GRID2: variants seen among roughly 807,000 people sequenced by gnomAD.
GRID2 encodes the protein glutamate receptor ionotropic, delta-2.
Under a neutral mutation model 114.8 loss-of-function variants are expected in GRID2, and 33 were observed. The ratio of observed to expected loss-of-function variants is 0.29; its 90% confidence interval spans 0.22 to 0.38. The LOEUF is 0.38. Among genes scored for constraint, GRID2 ranks in the 10% least tolerant of loss-of-function variants. GRID2 has a pLI of 1.00. For synonymous variants in GRID2, 505 were observed against 449.9 expected (o/e 1.12, Z -1.55); for missense variants, 1,184 against 1,257.7 (o/e 0.94, Z 0.89).
At position 92,319,780 on chromosome 4, in the gene GRID2, G is replaced by A. The variant is rs562414221; in HGVS notation, c.88+15036G>A. On this transcript the variant is annotated intron_variant, in intron 1 of 15. Coordinates refer to ENST00000282020, the MANE Select transcript of GRID2 (RefSeq NM_001510.4). ...TGTCTGGCAGAATACATACAGTTAT[G>A]AAATTTTACATTGTTTGTCACATGT... 3.9e-5 allele frequency among the ~76,000 whole-genome samples: 6 copies of A among 152,210 alleles called. No individual in the cohort carries two copies. In the South Asian group the frequency reaches 1.0e-3, roughly 26 times the overall value.
At chr4:93,184,748 G>A (rs976549996) in intron 4 of GRID2, among the ~76,000 whole-genome samples, 2 of 152,080 alleles carry the variant, frequency 1.3e-5, no homozygotes, top group African/African-American at 4.8e-5. Flanking sequence ...TGGGCGTGGT[G>A]GCGTGTGCCT....
intron 14 of GRID2, among the ~76,000 whole-genome samples, chr4:93,703,646 T>A (rs1372574916): frequency 1.6e-5 from 1 of 63,454 alleles, no homozygotes; most frequent in Non-Finnish European, 2.8e-5. Context: ...CCCTCCCCCC[T>A]CCCCCCACCC....
At chr4:92,951,479 T>C (rs952280033) in intron 2 of GRID2, among the ~76,000 whole-genome samples, 3 of 151,992 alleles carry the variant, frequency 2.0e-5, no homozygotes, top group Non-Finnish European at 4.4e-5. Flanking sequence ...GAGCTTGGAC[T>C]ACAGGTACAC....
At chr4:93,438,928 C>T (rs986857699) in intron 10 of GRID2, among the ~76,000 whole-genome samples, 11 of 150,256 alleles carry the variant, frequency 7.3e-5, no homozygotes, top group South Asian at 2.1e-4. Flanking sequence ...TGAGAATATG[C>T]GGTGTTTGGT....
chr4:93,530,338 T>C (rs1460578407), intron 13 of GRID2, among the ~76,000 whole-genome samples: 3 of 152,210 alleles, frequency 2.0e-5, no homozygotes, highest in Non-Finnish European at 2.9e-5. Flanking sequence ...ATTCTGTTTT[T>C]CAGTATTCAT....
chr4:92,422,202 G>A (rs1370998980), intron 1 of GRID2, among the ~76,000 whole-genome samples: 1 of 151,952 alleles, frequency 6.6e-6, no homozygotes, highest in Non-Finnish European at 1.5e-5. Flanking sequence ...GGCAGCAGGT[G>A]GGAAAAAGCT....
chr4:93,482,910 G>A (rs150134272), intron 11 of GRID2, among the ~76,000 whole-genome samples: 232 of 151,836 alleles, frequency 1.5e-3, no homozygotes, highest in African/African-American at 5.2e-3. Flanking sequence ...ACAGGAAACC[G>A]CACTTGTATC....
At chr4:93,680,352 A>T (rs1411251968) in intron 14 of GRID2, among the ~76,000 whole-genome samples, 1 of 151,862 alleles carries the variant, frequency 6.6e-6, no homozygotes, top group East Asian at 1.9e-4. Flanking sequence ...CAGAGGTACA[A>T]GGAGGAACTG....
chr4:93,494,424 C>A (rs1372853989), intron 12 of GRID2, among the ~76,000 whole-genome samples: 1 of 151,700 alleles, frequency 6.6e-6, no homozygotes, highest in Non-Finnish European at 1.5e-5. Flanking sequence ...GACAGAAACT[C>A]TTCCACTTTG....
intron 4 of GRID2, among the ~76,000 whole-genome samples, chr4:93,129,077 A>G (rs1378036828): frequency 6.6e-6 from 1 of 152,178 alleles, no homozygotes; most frequent in East Asian, 1.9e-4. Flanking sequence ...TATATTTTTA[A>G]AAAACTATCT....
At chr4:93,517,948 CAT>C (rs1729910608) in intron 13 of GRID2, among the ~76,000 whole-genome samples, 2 of 31,360 alleles carry the variant, frequency 6.4e-5, no homozygotes, top group Admixed American at 2.7e-4. Flanking sequence ...TATATACATA[CAT>C]GTATATGTAT....
intron 1 of GRID2, among the ~76,000 whole-genome samples, chr4:92,316,297 T>A (rs1450591566): frequency 6.6e-6 from 1 of 152,184 alleles, no homozygotes; most frequent in African/African-American, 2.4e-5. Context: ...TATACATTTC[T>A]TCTTAAATGG....
At chr4:93,516,613 G>A (rs1280072710) in intron 13 of GRID2, among the ~76,000 whole-genome samples, 8 of 152,040 alleles carry the variant, frequency 5.3e-5, no homozygotes, top group Non-Finnish European at 1.0e-4. Context: ...AAGAACCATT[G>A]GCTCCTGGAG....
intron 1 of GRID2, among the ~76,000 whole-genome samples, chr4:92,440,689 T>C (rs902954375): frequency 8.5e-5 from 13 of 152,112 alleles, no homozygotes; most frequent in African/African-American, 1.9e-4. Context: ...TGCTGGTGTG[T>C]GGTGATTAGG....
chr4:93,048,742 TA>T (rs1044926811), intron 2 of GRID2, among the ~76,000 whole-genome samples: 1 of 152,040 alleles, frequency 6.6e-6, no homozygotes, highest in African/African-American at 2.4e-5. Context: ...ATTTTTTTCT[TA>T]ATGGAGACTT....
intron 2 of GRID2, among the ~76,000 whole-genome samples, chr4:92,780,971 C>CA (rs563175407): frequency 3.3e-5 from 5 of 151,882 alleles, no homozygotes; most frequent in African/African-American, 1.2e-4. Context: ...ACAACAGGTA[C>CA]AAAAAATTTT....
intron 1 of GRID2, among the ~76,000 whole-genome samples, chr4:92,364,776 A>G (rs17019342): frequency 0.029 from 4,420 of 152,110 alleles, 113 homozygotes; most frequent in East Asian, 0.1. Flanking sequence ...ATAGGCTATG[A>G]TTACTTACCT....
chr4:93,388,380 C>T (rs1764529290), intron 8 of GRID2, among the ~76,000 whole-genome samples: 1 of 152,160 alleles, frequency 6.6e-6, no homozygotes, highest in African/African-American at 2.4e-5. Context: ...ATTCTGATTT[C>T]ATTGGCATGG....
At chr4:92,511,625 T>A (rs1490262430) in intron 1 of GRID2, among the ~76,000 whole-genome samples, 2 of 151,848 alleles carry the variant, frequency 1.3e-5, no homozygotes, top group Admixed American at 6.6e-5. Flanking sequence ...ACTGTAGAGA[T>A]CTTGATTACC....
Sources: allele counts gnomAD v4.1 joint callset (sites outside exome capture counted in the v4.1 genomes callset), GRCh38; gene constraint gnomAD v4.1.1; transcripts MANE v1.5; gene names NCBI Gene and HGNC (gene_info 2026-07-23, HGNC 2026-07-21).